ADGRB3: variants seen among roughly 807,000 people sequenced by gnomAD.
ADGRB3 encodes adhesion G protein-coupled receptor B3, also known as brain-specific angiogenesis inhibitor 3.
In ADGRB3, 37 loss-of-function variants were observed where a neutral mutation model predicts 193.4. That is an observed-to-expected ratio of 0.19 (90% CI 0.15 to 0.25). The LOEUF (loss-of-function observed/expected upper bound fraction) is 0.25, where lower values mean the gene tolerates loss of function less well. ADGRB3 is among the 10% of genes least tolerant of loss of function. The pLI is 1.00. For missense variants in ADGRB3, 1,637 were observed against 1,852.9 expected, an observed-to-expected ratio of 0.88 and a Z score of 2.14; for synonymous variants, 690 against 644.2, an observed-to-expected ratio of 1.07 and a Z score of -1.08.
chr6:69,137,367 G>C (rs1296152957), intron 17 of ADGRB3, among the ~76,000 whole-genome samples: 1 of 151,190 alleles, frequency 6.6e-6, no homozygotes, highest in Non-Finnish European at 1.5e-5. Context: ...AACATTTTCT[G>C]TGTTTTTTTT....
intron 4 of ADGRB3, among the ~76,000 whole-genome samples, chr6:68,934,101 A>C (rs571018688): frequency 6.6e-6 from 1 of 152,328 alleles, no homozygotes; most frequent in Middle Eastern, 3.4e-3. Context: ...CAGCAGGGAA[A>C]AAAGAAGTAT....
chr6:68,761,508 G>C (rs887218079), intron 3 of ADGRB3, among the ~76,000 whole-genome samples: 1 of 151,276 alleles, frequency 6.6e-6, no homozygotes, highest in Non-Finnish European at 1.5e-5. Flanking sequence ...GGTGTCCTCT[G>C]CAGGCTTGTT....
At chr6:68,895,850 A>G (rs1766204694) in intron 3 of ADGRB3, among the ~76,000 whole-genome samples, 1 of 151,836 alleles carries the variant, frequency 6.6e-6, no homozygotes, top group South Asian at 2.1e-4. Context: ...TTTTAAGTTG[A>G]TCTGCACTAG....
intron 20 of ADGRB3, among the ~76,000 whole-genome samples, chr6:69,267,834 C>T (rs888417368): frequency 6.6e-6 from 1 of 152,040 alleles, no homozygotes; most frequent in Non-Finnish European, 1.5e-5. Flanking sequence ...AGTTTTTTCC[C>T]GACATCTTGG....
At chr6:68,897,861 GAAAAAAGA>G (rs1252852170) in intron 3 of ADGRB3, among the ~76,000 whole-genome samples, 17 of 135,524 alleles carry the variant, frequency 1.3e-4, no homozygotes, top group Middle Eastern at 3.9e-3. Flanking sequence ...GAAAACAAAA[GAAAAAAGA>G]AAGAAAGAAA....
At chr6:68,976,157 TACTGTC>T (rs1768740817) in intron 10 of ADGRB3, among the ~76,000 whole-genome samples, 1 of 152,218 alleles carries the variant, frequency 6.6e-6, no homozygotes, top group South Asian at 2.1e-4. Flanking sequence ...TTACTGTTCT[TACTGTC>T]ACTCAAAAAT....
At chr6:68,879,527 C>T (rs1207647504) in intron 3 of ADGRB3, among the ~76,000 whole-genome samples, 2 of 152,096 alleles carry the variant, frequency 1.3e-5, no homozygotes, top group Admixed American at 1.3e-4. Flanking sequence ...CGCGCCTGGC[C>T]TACTTTTTGT....
At chr6:68,643,793 C>A (rs1768139821) in intron 3 of ADGRB3, among the ~76,000 whole-genome samples, 1 of 151,602 alleles carries the variant, frequency 6.6e-6, no homozygotes, top group Non-Finnish European at 1.5e-5. Context: ...ATTAGCCAGG[C>A]ATGGTGGTGG....
At chr6:69,216,269 A>C (rs1765770625) in intron 17 of ADGRB3, among the ~76,000 whole-genome samples, 1 of 152,174 alleles carries the variant, frequency 6.6e-6, no homozygotes, top group African/African-American at 2.4e-5. Context: ...CCATCTCTAA[A>C]GACTATTGCT....
intron 3 of ADGRB3, among the ~76,000 whole-genome samples, chr6:68,786,772 CT>C (rs1766981155): frequency 6.6e-6 from 1 of 151,210 alleles, no homozygotes; most frequent in South Asian, 2.1e-4. Flanking sequence ...GATATTGATT[CT>C]TCCTACCCAT....
chr6:68,840,197 G>T (rs552235305), intron 3 of ADGRB3, among the ~76,000 whole-genome samples: 2 of 151,960 alleles, frequency 1.3e-5, no homozygotes, highest in African/African-American at 2.4e-5. Context: ...GTATTTGGGG[G>T]ACACGTGAAC....
intron 17 of ADGRB3, among the ~76,000 whole-genome samples, chr6:69,098,323 T>C (rs1371473830): frequency 6.6e-6 from 1 of 152,180 alleles, no homozygotes; most frequent in African/African-American, 2.4e-5. Context: ...AAAAATATTT[T>C]TTGAGAATGA....
intron 3 of ADGRB3, among the ~76,000 whole-genome samples, chr6:68,906,379 T>A (rs763662553): frequency 9.9e-5 from 15 of 151,852 alleles, no homozygotes; most frequent in Non-Finnish European, 1.9e-4. Flanking sequence ...ATACCATATA[T>A]ATTGTTGCTT....
At chr6:68,914,905 A>C (rs1766833449) in intron 3 of ADGRB3, among the ~76,000 whole-genome samples, 1 of 152,178 alleles carries the variant, frequency 6.6e-6, no homozygotes, top group Admixed American at 6.5e-5. Context: ...TTTGCTTCCC[A>C]TAGAGTATCA....
At chr6:68,902,932 A>G (rs1182118950) in intron 3 of ADGRB3, among the ~76,000 whole-genome samples, 1 of 152,184 alleles carries the variant, frequency 6.6e-6, no homozygotes, top group Non-Finnish European at 1.5e-5. Flanking sequence ...TTCTGTGAAA[A>G]GTCTCTGATT....
At chr6:68,676,903 A>T (rs934251729) in intron 3 of ADGRB3, among the ~76,000 whole-genome samples, 7 of 152,236 alleles carry the variant, frequency 4.6e-5, no homozygotes. Flanking sequence ...AATAGTCCCT[A>T]ATCAAATTTG....
intron 3 of ADGRB3, among the ~76,000 whole-genome samples, chr6:68,710,218 C>A (rs1765386916): frequency 6.6e-6 from 1 of 152,114 alleles, no homozygotes; most frequent in African/African-American, 2.4e-5. Flanking sequence ...AACCTGAGAT[C>A]TTAACAAAAG....
In ADGRB3 at chr6:69,277,987, C is replaced by T. The variant is rs1002201301; in HGVS notation, c.2814+38761C>T. On this transcript the variant is annotated intron_variant, in intron 20 of 31. Coordinates refer to ENST00000370598, the MANE Select transcript of ADGRB3 (RefSeq NM_001704.3). ...GCTATTTCATTACTGCACTCTATAC[C>T]GTGAATAGTGTTCTGAGCTTGGAAA... 5.3e-5 allele frequency among the ~76,000 whole-genome samples: 8 copies of T among 152,252 alleles called. No individual in the cohort carries two copies. The South Asian group carries it at 1.0e-3, about 20-fold the overall frequency.
chr6:69,245,830 AG>A (rs1766487936), intron 20 of ADGRB3, among the ~76,000 whole-genome samples: 1 of 152,134 alleles, frequency 6.6e-6, no homozygotes, highest in Non-Finnish European at 1.5e-5. Context: ...TACACTTCTT[AG>A]GGCAGGACTA....
Sources: allele counts gnomAD v4.1 joint callset (sites outside exome capture counted in the v4.1 genomes callset), GRCh38; gene constraint gnomAD v4.1.1; transcripts MANE v1.5; gene names NCBI Gene and HGNC (gene_info 2026-07-23, HGNC 2026-07-21).